MIS18A: variants seen among roughly 807,000 people sequenced by gnomAD.
The protein encoded by MIS18A is protein Mis18-alpha.
Under a neutral mutation model 25.0 loss-of-function variants are expected in MIS18A, and 14 were observed. That is an observed-to-expected ratio of 0.56 (90% CI 0.37 to 0.88). The LOEUF is 0.88. MIS18A is among the 40% of genes least tolerant of loss of function. MIS18A has a pLI of 0.00. For synonymous variants in MIS18A, 134 were observed against 118.6 expected (o/e 1.13, Z -0.84); for missense variants, 292 against 290.8 (o/e 1.00, Z -0.03).
At chr21:32,242,081 T>C in the MIS18A span, among the ~76,000 whole-genome samples, 1 of 152,176 alleles carries the variant, frequency 6.6e-6, no homozygotes, top group African/African-American at 2.4e-5. Context: ...GGGGTTTCAC[T>C]GTGTTAGCCA....
chr21:32,232,244 T>C, the MIS18A span, among the ~76,000 whole-genome samples: 1 of 152,000 alleles, frequency 6.6e-6, no homozygotes. Flanking sequence ...GATCTATAGA[T>C]ATATCTAGAT....
intron 1 of MIS18A, among the ~76,000 whole-genome samples, chr21:32,275,366 C>A (rs1338453217): frequency 3.3e-5 from 5 of 152,144 alleles, no homozygotes; most frequent in African/African-American, 4.8e-5. Flanking sequence ...TCACACACTG[C>A]AAAGAATTAT....
chr21:32,196,019 T>TA, the MIS18A span, among the ~76,000 whole-genome samples: 169 of 144,066 alleles, frequency 1.2e-3, no homozygotes, highest in East Asian at 4.6e-3. Flanking sequence ...GACTCCATCT[T>TA]AAAAAAAAAA....
downstream of MIS18A, among the ~76,000 whole-genome samples, chr21:32,267,847 GGA>G (rs1199992668): frequency 2.6e-5 from 4 of 152,324 alleles, no homozygotes; most frequent in South Asian, 4.1e-4. Context: ...TCTGTTAGTG[GGA>G]GAGTAGCCTG....
chr21:32,227,368 T>C, the MIS18A span, among the ~76,000 whole-genome samples: 891 of 151,560 alleles, frequency 5.9e-3, 11 homozygotes, highest in African/African-American at 0.021. Context: ...AGAAATGATA[T>C]AGGGAATGTT....
Position 32,269,693 on chromosome 21 carries a change from C to G in MIS18A, c.621+14G>C. On this transcript the variant is annotated intron_variant, in intron 4 of 4. Coordinates refer to ENST00000290130, the MANE Select transcript of MIS18A (RefSeq NM_018944.3). ...TGTTCATACAAAGATATAAAATGTACAGAATAAAATTACCTGTGTTAGAGA... is the reference window on the plus strand; with the variant it reads ...TGTTCATACAAAGATATAAAATGTAGAGAATAAAATTACCTGTGTTAGAGA... 6.9e-7 allele frequency: 1 copy of G among 1,454,672 alleles called. No individual in the cohort carries two copies. The highest frequency in any genetic ancestry group is 9.6e-7 in the Non-Finnish European group (1 of 1,036,576). 90.1% of individuals were successfully genotyped at this position (1,454,672 alleles called of 1,614,324 possible). A position where few individuals can be genotyped will look rare whatever the true frequency, so the allele number is the denominator to read the frequency against.
the MIS18A span, among the ~76,000 whole-genome samples, chr21:32,178,440 T>C: frequency 2.0e-5 from 3 of 152,194 alleles, no homozygotes; most frequent in South Asian, 2.1e-4. Context: ...TTCTTCTGGA[T>C]TCATTTCTTT....
chr21:32,241,216 G>A, the MIS18A span, among the ~76,000 whole-genome samples: 2 of 152,124 alleles, frequency 1.3e-5, no homozygotes, highest in Non-Finnish European at 2.9e-5. Flanking sequence ...GTAACTGACT[G>A]TTCACTTTCA....
intron 2 of MIS18A, 128 bp downstream of exon 2, chr21:32,274,702 G>C (rs914567188): frequency 4.2e-6 from 3 of 720,404 alleles, no homozygotes; most frequent in Non-Finnish European, 4.7e-6. Context: ...TGATATATGC[G>C]AACGACTGAT....
chr21:32,157,516 T>C, the MIS18A span, among the ~76,000 whole-genome samples: 4 of 151,486 alleles, frequency 2.6e-5, no homozygotes, highest in African/African-American at 9.7e-5. Flanking sequence ...TTTATTATAG[T>C]AAAGTTTTTT....
the MIS18A span, among the ~76,000 whole-genome samples, chr21:32,161,889 C>G: frequency 6.6e-6 from 1 of 151,822 alleles, no homozygotes; most frequent in Non-Finnish European, 1.5e-5. Flanking sequence ...ATATCTTGCT[C>G]ATCAGAGGCA....
the MIS18A span, among the ~76,000 whole-genome samples, chr21:32,249,717 G>A: frequency 6.6e-6 from 1 of 152,108 alleles, no homozygotes; most frequent in Non-Finnish European, 1.5e-5. Context: ...GGAAGGGGAG[G>A]AAGGGCGAGA....
chr21:32,221,822 G>A, the MIS18A span, among the ~76,000 whole-genome samples: 1 of 151,892 alleles, frequency 6.6e-6, no homozygotes, highest in African/African-American at 2.4e-5. Context: ...AACCCAGGAG[G>A]TGGAGGTTGC....
chr21:32,208,264 C>T, the MIS18A span, among the ~76,000 whole-genome samples: 1 of 152,078 alleles, frequency 6.6e-6, no homozygotes, highest in Admixed American at 6.6e-5. Flanking sequence ...ATTCTAATCC[C>T]CAGTGTTGAA....
Position 32,279,040 on chromosome 21 carries a change from A to T in MIS18A, c.-26T>A, listed in dbSNP as rs1180320537. 5 of 1,563,310 alleles carry T rather than the reference A, an allele frequency of 3.2e-6. No homozygotes were observed. In the African/African-American group the frequency reaches 5.4e-5, roughly 17 times the overall value. On this transcript the variant is annotated 5_prime_UTR_variant, in exon 1 of 5. Coordinates refer to ENST00000290130, the MANE Select transcript of MIS18A (RefSeq NM_018944.3). Reference sequence around the variant, plus strand: ...TACCTACAAATCGCCCGCGCCCCAGAGCGCCATGGGAAAAAAAACCGCCGC... The same window carrying T: ...TACCTACAAATCGCCCGCGCCCCAGTGCGCCATGGGAAAAAAAACCGCCGC...
the MIS18A span, among the ~76,000 whole-genome samples, chr21:32,241,979 C>T: frequency 3.3e-5 from 5 of 152,174 alleles, no homozygotes; most frequent in Non-Finnish European, 1.5e-5. Context: ...CCCGGGTTCA[C>T]GCCACTCTCC....
At chr21:32,180,777 C>A in the MIS18A span, among the ~76,000 whole-genome samples, 1 of 152,188 alleles carries the variant, frequency 6.6e-6, no homozygotes, top group Non-Finnish European at 1.5e-5. Context: ...ACGAGCCTAT[C>A]CAGTGAACTA....
At chr21:32,218,317 A>G in the MIS18A span, among the ~76,000 whole-genome samples, 1,332 of 152,264 alleles carry the variant, frequency 8.7e-3, 25 homozygotes, top group African/African-American at 0.031. Flanking sequence ...ATAGTAACTC[A>G]TGAAGAAGCA....
the MIS18A span, among the ~76,000 whole-genome samples, chr21:32,191,506 C>A: frequency 3.3e-5 from 5 of 152,128 alleles, no homozygotes; most frequent in African/African-American, 9.7e-5. Flanking sequence ...GCGGAAGGAT[C>A]ATTTGAGCCC....
Sources: allele counts gnomAD v4.1 joint callset (sites outside exome capture counted in the v4.1 genomes callset), GRCh38; gene constraint gnomAD v4.1.1; transcripts MANE v1.5; gene names NCBI Gene and HGNC (gene_info 2026-07-23, HGNC 2026-07-21).